The following LINGO2 variants were observed in gnomAD, a reference collection of about 807,000 sequenced individuals.
LINGO2 encodes leucine-rich repeat and immunoglobulin-like domain-containing nogo receptor-interacting protein 2.
Under a neutral mutation model 30.6 loss-of-function variants are expected in LINGO2, and 14 were observed. The ratio of observed to expected loss-of-function variants is 0.46; its 90% CI spans 0.30 to 0.72. LINGO2 has a LOEUF of 0.72. Ranked by LOEUF, LINGO2 falls within the 30% of genes least tolerant of loss-of-function variation. The probability of loss-of-function intolerance (pLI) is 0.07; values close to 1 mark genes in which losing one functional copy is unlikely to be tolerated. For missense variants in LINGO2, 729 were observed against 751.7 expected (o/e 0.97, Z 0.35); for synonymous variants, 317 against 288.5 (o/e 1.10, Z -1.00).
At chr9:28,649,152 C>A (rs1385028083) in intron 1 of LINGO2, among the ~76,000 whole-genome samples, 1 of 152,152 alleles carries the variant, frequency 6.6e-6, no homozygotes, top group Non-Finnish European at 1.5e-5. Context: ...GCAAACCACA[C>A]ATACACTTTG....
intron 4 of LINGO2, among the ~76,000 whole-genome samples, chr9:28,107,862 C>A (rs1385701674): frequency 4.6e-5 from 7 of 152,062 alleles, no homozygotes; most frequent in Non-Finnish European, 8.8e-5. Flanking sequence ...TCATCAAAGT[C>A]TAAAATTCAT....
At chr9:28,911,979 TTAAA>T in the LINGO2 span, among the ~76,000 whole-genome samples, 2 of 152,140 alleles carry the variant, frequency 1.3e-5, no homozygotes, top group African/African-American at 2.4e-5. Flanking sequence ...TGAAGATATA[TTAAA>T]TAAATGTGTA....
At chr9:28,992,936 T>G in the LINGO2 span, among the ~76,000 whole-genome samples, 1 of 150,862 alleles carries the variant, frequency 6.6e-6, no homozygotes, top group Non-Finnish European at 1.5e-5. Context: ...TTGACACCCT[T>G]ACATCACAAT....
intron 4 of LINGO2, among the ~76,000 whole-genome samples, chr9:28,054,518 G>C (rs568584701): frequency 1.3e-5 from 2 of 152,180 alleles, no homozygotes; most frequent in Admixed American, 1.3e-4. Context: ...TAAGAAATTA[G>C]TGTTATGTTT....
intron 1 of LINGO2, among the ~76,000 whole-genome samples, chr9:28,530,322 C>G (rs1821183337): frequency 6.6e-6 from 1 of 152,060 alleles, no homozygotes; most frequent in Non-Finnish European, 1.5e-5. Flanking sequence ...CCATTTTGAG[C>G]AAATTATCCC....
chr9:28,352,302 G>T (rs76129170), intron 3 of LINGO2, among the ~76,000 whole-genome samples: 8,674 of 144,662 alleles, frequency 0.06, 335 homozygotes, highest in Non-Finnish European at 0.092. Flanking sequence ...CTTCAGCAAA[G>T]TCTCAGGATA....
intron 4 of LINGO2, among the ~76,000 whole-genome samples, chr9:28,242,004 A>G (rs1306774621): frequency 6.6e-6 from 1 of 151,206 alleles, no homozygotes; most frequent in East Asian, 1.9e-4. Context: ...AAAAATCATG[A>G]AGATGAGAAA....
At chr9:29,135,298 T>G in the LINGO2 span, among the ~76,000 whole-genome samples, 3 of 151,992 alleles carry the variant, frequency 2.0e-5, no homozygotes, top group Non-Finnish European at 4.4e-5. Flanking sequence ...GGTGGCTCAC[T>G]CCTGTAATCC....
the LINGO2 span, among the ~76,000 whole-genome samples, chr9:29,185,895 A>G: frequency 2.6e-5 from 4 of 152,164 alleles, no homozygotes; most frequent in Non-Finnish European, 5.9e-5. Context: ...AAAGTAATCC[A>G]AAAAAGACCA....
intron 1 of LINGO2, among the ~76,000 whole-genome samples, chr9:28,551,829 C>A (rs989182160): frequency 2.2e-4 from 33 of 152,064 alleles, no homozygotes; most frequent in Admixed American, 1.4e-3. Flanking sequence ...CTCTGACACA[C>A]GTGTGTCCTC....
the LINGO2 span, among the ~76,000 whole-genome samples, chr9:29,029,486 C>T: frequency 6.6e-6 from 1 of 152,076 alleles, no homozygotes; most frequent in African/African-American, 2.4e-5. Context: ...TTTATAATCT[C>T]TGGCCCTACA....
intron 4 of LINGO2, among the ~76,000 whole-genome samples, chr9:28,100,264 C>G (rs1251593678): frequency 6.6e-6 from 1 of 152,068 alleles, no homozygotes; most frequent in Non-Finnish European, 1.5e-5. Context: ...GCAGGTGCAC[C>G]ACACATTTCA....
chr9:28,985,619 T>G, the LINGO2 span, among the ~76,000 whole-genome samples: 164 of 152,142 alleles, frequency 1.1e-3, no homozygotes, highest in Admixed American at 2.9e-3. Flanking sequence ...ATTGGTGATG[T>G]GGAGCATTTT....
Position 28,488,910 on chromosome 9 carries a change from T to G in LINGO2, c.-364-12885A>C, listed in dbSNP as rs115660689. ...ATAAGGCTGGATAAATATTGGTCTA[T>G]AAATGTTCGACCAATAAACAAATAC... On this transcript the variant is annotated intron_variant, in intron 1 of 5. Transcript: ENST00000379992. Among the ~76,000 whole-genome samples the G allele has an allele frequency of 1.5e-3, 234 of 152,316 alleles. 3 individuals carry two copies. Among genetic ancestry groups the G allele is most frequent in the Middle Eastern group, 6.8e-3 (2 of 294 alleles).
At chr9:28,672,249 G>T (rs1026847051), upstream of LINGO2, among the ~76,000 whole-genome samples, 1 of 152,132 alleles carries the variant, frequency 6.6e-6, no homozygotes, top group African/African-American at 2.4e-5. Flanking sequence ...TGGTTGCATT[G>T]CATTTTACGA....
At chr9:28,538,663 C>T (rs1403123950) in intron 1 of LINGO2, among the ~76,000 whole-genome samples, 2 of 152,128 alleles carry the variant, frequency 1.3e-5, no homozygotes, top group Non-Finnish European at 2.9e-5. Flanking sequence ...TGCTGAGGGC[C>T]TTCTTGCTGT....
chr9:28,826,404 G>A, the LINGO2 span, among the ~76,000 whole-genome samples: 2 of 152,124 alleles, frequency 1.3e-5, no homozygotes, highest in East Asian at 1.9e-4. Context: ...CACAGTCACC[G>A]CCACTCTGCT....
At chr9:28,954,191 T>C in the LINGO2 span, among the ~76,000 whole-genome samples, 1 of 152,186 alleles carries the variant, frequency 6.6e-6, no homozygotes, top group Non-Finnish European at 1.5e-5. Flanking sequence ...TTGAGAAATA[T>C]ATGCCAAATA....
intron 4 of LINGO2, among the ~76,000 whole-genome samples, chr9:28,075,303 C>G (rs547940819): frequency 2.4e-4 from 36 of 151,926 alleles, no homozygotes; most frequent in African/African-American, 8.7e-4. Context: ...TTATTCATTC[C>G]TTTTATTGTT....
Sources: allele counts gnomAD v4.1 joint callset (sites outside exome capture counted in the v4.1 genomes callset), GRCh38; gene constraint gnomAD v4.1.1; transcripts MANE v1.5; gene names NCBI Gene and HGNC (gene_info 2026-07-23, HGNC 2026-07-21).